TSC22D1: variants seen among roughly 807,000 people sequenced by gnomAD.
The protein encoded by TSC22D1 is TSC22 domain family member 1.
A neutral mutation model predicts 74.2 loss-of-function variants in TSC22D1; 9 were observed. The ratio of observed to expected loss-of-function variants is 0.12; its 90% CI spans 0.07 to 0.21. The LOEUF is 0.21. Ranked by LOEUF, TSC22D1 falls within the 10% of genes least tolerant of loss-of-function variation. The pLI is 1.00. For synonymous variants in TSC22D1, 586 were observed against 492.5 expected (o/e 1.19, Z -2.51); for missense variants, 1,427 against 1,304.7 (o/e 1.09, Z -1.44).
Position 44,432,388 on chromosome 13 carries a change from A to G in TSC22D1, c.*2238T>C, listed in dbSNP as rs1874117316. The G allele has an allele frequency of 6.6e-6, 1 of 152,226 alleles. No individual in the cohort carries two copies. The highest frequency in any genetic ancestry group is 1.5e-5 in the Non-Finnish European group (1 of 68,034). 9.4% of individuals were successfully genotyped at this position (152,226 alleles called of 1,614,324 possible). A position where few individuals can be genotyped will look rare whatever the true frequency, so the allele number is the denominator to read the frequency against. On this transcript the variant is annotated 3_prime_UTR_variant, in exon 3 of 3. Transcript: ENST00000458659. ...AAATGGCTAGGGATTTCTATTCACT[A>G]TAGTTTTTTCAAGGAAATGTAATTA... is the stretch of plus-strand genomic sequence containing the variant.
At position 44,433,030 on chromosome 13, in the gene TSC22D1, T is replaced by C. The variant is rs929285595; in HGVS notation, c.*1596A>G. The C allele has an allele frequency of 1.3e-5, 2 of 152,180 alleles. No homozygotes were observed. The highest frequency in any genetic ancestry group is 3.9e-4 in the East Asian group (2 of 5,188). The allele number at this position is 152,180 out of a possible 1,614,324, so 9.4% of individuals were successfully genotyped here. On this transcript the variant is annotated 3_prime_UTR_variant, in exon 3 of 3. Coordinates refer to ENST00000458659, the MANE Select transcript of TSC22D1 (RefSeq NM_183422.4). ...AGACAAAACGAATTATCCCAGGAGC[T>C]AGAAACTCATCCTACACTAGGAGAA...
chr13:44,451,627 T>C (rs1876141486), intron 1 of TSC22D1: 1 of 152,228 alleles, frequency 6.6e-6, no homozygotes, highest in African/African-American at 2.4e-5. Flanking sequence ...ATAGCAGTTA[T>C]TAGGAGAAAT....
chr13:44,484,150 C>G (rs921822004), intron 1 of TSC22D1, among the ~76,000 whole-genome samples: 2 of 151,908 alleles, frequency 1.3e-5, no homozygotes, highest in East Asian at 1.9e-4. Context: ...AAGTTTGAAA[C>G]TGAAAAAAGT....
intron 1 of TSC22D1, among the ~76,000 whole-genome samples, chr13:44,557,961 A>C (rs1882790279): frequency 6.6e-6 from 1 of 152,228 alleles, no homozygotes; most frequent in Non-Finnish European, 1.5e-5. Context: ...GGAGAATTTA[A>C]CCACTGGGGT....
intron 1 of TSC22D1, among the ~76,000 whole-genome samples, chr13:44,547,053 C>T (rs1881874173): frequency 6.6e-6 from 1 of 152,046 alleles, no homozygotes; most frequent in African/African-American, 2.4e-5. Context: ...TGAGCCACCA[C>T]ACCAAGCCTG....
chr13:44,474,599 A>G (rs1042669578), intron 1 of TSC22D1, among the ~76,000 whole-genome samples: 4 of 152,154 alleles, frequency 2.6e-5, no homozygotes, highest in Non-Finnish European at 5.9e-5. Context: ...GGTTTTCCCC[A>G]CTTTTGACAC....
intron 1 of TSC22D1, among the ~76,000 whole-genome samples, chr13:44,518,719 G>A (rs569677818): frequency 6.6e-5 from 10 of 152,198 alleles, no homozygotes; most frequent in East Asian, 1.9e-4. Context: ...AAGACATTGC[G>A]CTTTGATTGT....
chr13:44,474,983 G>C (rs1243997584), intron 1 of TSC22D1, among the ~76,000 whole-genome samples: 1 of 152,106 alleles, frequency 6.6e-6, no homozygotes, highest in Non-Finnish European at 1.5e-5. Context: ...TTGGAGCAGA[G>C]GTGGGGAAGG....
chr13:44,469,327 T>G (rs1877466420), intron 1 of TSC22D1, among the ~76,000 whole-genome samples: 1 of 152,202 alleles, frequency 6.6e-6, no homozygotes, highest in Non-Finnish European at 1.5e-5. Flanking sequence ...AAGCCACATT[T>G]AAAATGAGAA....
chr13:44,444,610 A>G (rs1273651612), intron 1 of TSC22D1, among the ~76,000 whole-genome samples: 1 of 152,162 alleles, frequency 6.6e-6, no homozygotes, highest in African/African-American at 2.4e-5. Flanking sequence ...CGATTTTATC[A>G]TTATGTTCTC....
In TSC22D1 at chr13:44,501,834, C is replaced by T. The variant is rs1566142170; in HGVS notation, c.2913-65739G>A. 2.6e-5 allele frequency among the ~76,000 whole-genome samples: 4 copies of T among 152,136 alleles called. No homozygotes were observed. The South Asian group carries it at 8.3e-4, about 32-fold the overall frequency. ...GCTAACACATGTGCTGTGGGCTGATCGTCCATTAAAATGGCTCTTTCCCAA... is the reference window on the plus strand; with the variant it reads ...GCTAACACATGTGCTGTGGGCTGATTGTCCATTAAAATGGCTCTTTCCCAA... On this transcript the variant is annotated intron_variant, in intron 1 of 2. Transcript: ENST00000458659.
At chr13:44,565,722 CTCTTT>C (rs983126179) in intron 1 of TSC22D1, among the ~76,000 whole-genome samples, 47 of 152,068 alleles carry the variant, frequency 3.1e-4, no homozygotes, top group Admixed American at 2.6e-4. Flanking sequence ...ATTAAACTTT[CTCTTT>C]TATCGAATTT....
intron 1 of TSC22D1, among the ~76,000 whole-genome samples, chr13:44,485,270 T>C (rs1878376685): frequency 6.6e-6 from 1 of 152,048 alleles, no homozygotes; most frequent in Non-Finnish European, 1.5e-5. Context: ...TATAAGTAAA[T>C]GAAACTCAAA....
At chr13:44,515,685 C>T (rs143824852) in intron 1 of TSC22D1, among the ~76,000 whole-genome samples, 2,329 of 152,232 alleles carry the variant, frequency 0.015, 59 homozygotes, top group African/African-American at 0.053. Flanking sequence ...TGATCACCCA[C>T]CTTGGCCTCC....
At chr13:44,551,082 T>C (rs1397523351) in intron 1 of TSC22D1, among the ~76,000 whole-genome samples, 1 of 151,960 alleles carries the variant, frequency 6.6e-6, no homozygotes, top group Non-Finnish European at 1.5e-5. Flanking sequence ...TACTCCAGCC[T>C]GGGCAACAGA....
intron 1 of TSC22D1, among the ~76,000 whole-genome samples, chr13:44,438,000 T>A (rs1220365508): frequency 1.3e-5 from 2 of 152,206 alleles, no homozygotes; most frequent in Non-Finnish European, 2.9e-5. Flanking sequence ...ATAAAATAGC[T>A]TAACCCTTTC....
chr13:44,481,225 G>A (rs1035334044), intron 1 of TSC22D1, among the ~76,000 whole-genome samples: 6 of 152,162 alleles, frequency 3.9e-5, no homozygotes, highest in African/African-American at 7.2e-5. Flanking sequence ...TGGGATCCTC[G>A]GGGCTTGAGA....
rs751599234 is a variant in TSC22D1 at position 44,573,575 on chromosome 13, T to C, written c.2500A>G (p.Ser834Gly). The C allele has an allele frequency of 2.1e-5, 34 of 1,614,118 alleles. No homozygotes were observed. Among genetic ancestry groups the C allele is most frequent in the Non-Finnish European group, 2.6e-5 (31 of 1,180,054 alleles). Reference sequence around the variant, plus strand: ...GAAGGACCAGTTGAACTAACCTGACTTGTAACAGAAATACTACTAGCAGAG... The same window carrying C: ...GAAGGACCAGTTGAACTAACCTGACCTGTAACAGAAATACTACTAGCAGAG... ...LPSASSISVT[S>G]QVSSTGPSGM... The change falls in exon 1 of 3, where the codon AGT becomes GGT. Residue 834 changes from serine to glycine, a missense_variant. Around this residue, in one of 3 missense-constraint regions of TSC22D1, gnomAD observed 1,343 missense variants for 1,191.5 expected, o/e 1.13. Coordinates refer to ENST00000458659, the MANE Select transcript of TSC22D1 (RefSeq NM_183422.4).
chr13:44,536,715 A>G (rs1337381865), intron 1 of TSC22D1: 1 of 981,810 alleles, frequency 1.0e-6, no homozygotes, highest in Non-Finnish European at 1.2e-6. Context: ...ATTACTCTTG[A>G]TATTTACAGT....
Sources: allele counts gnomAD v4.1 joint callset (sites outside exome capture counted in the v4.1 genomes callset), GRCh38; gene constraint gnomAD v4.1.1; regional missense constraint gnomAD v4.1.1; transcripts MANE v1.5; gene names NCBI Gene and HGNC (gene_info 2026-07-23, HGNC 2026-07-21).